ADGRF5: variants seen among roughly 807,000 people sequenced by gnomAD.
The protein encoded by ADGRF5 is adhesion G protein-coupled receptor F5, also known as G-protein coupled receptor 116.
A neutral mutation model predicts 132.3 loss-of-function variants in ADGRF5; 75 were observed. The observed-to-expected ratio is 0.57, with a 90% confidence interval of 0.47 to 0.69. The LOEUF (loss-of-function observed/expected upper bound fraction) is 0.69. Among genes scored for constraint, ADGRF5 ranks in the 30% least tolerant of loss-of-function variants. ADGRF5 has a pLI of 0.00. For missense variants in ADGRF5, 1,516 were observed against 1,630.6 expected, an observed-to-expected ratio of 0.93 and a Z score of 1.21; for synonymous variants, 629 against 597.6, an observed-to-expected ratio of 1.05 and a Z score of -0.77.
chr6:46,875,631 G>T (rs1189680214), intron 10 of ADGRF5, among the ~76,000 whole-genome samples: 1 of 152,090 alleles, frequency 6.6e-6, no homozygotes, highest in Non-Finnish European at 1.5e-5. Context: ...AGAAAAATTA[G>T]CAGGGTGTGG....
chr6:46,911,757 C>T (rs1345223380), intron 1 of ADGRF5, among the ~76,000 whole-genome samples: 1 of 152,054 alleles, frequency 6.6e-6, no homozygotes, highest in Non-Finnish European at 1.5e-5. Flanking sequence ...ACTGGAAAAA[C>T]ATTTATTAAG....
chr6:46,932,792 A>G (rs937552777), intron 1 of ADGRF5, among the ~76,000 whole-genome samples: 1 of 152,204 alleles, frequency 6.6e-6, no homozygotes, highest in Non-Finnish European at 1.5e-5. Context: ...CTCCTGTTTA[A>G]TGCCTAATAA....
chr6:46,861,215 G>A (rs563614696), intron 15 of ADGRF5, among the ~76,000 whole-genome samples: 71 of 152,264 alleles, frequency 4.7e-4, no homozygotes, highest in Non-Finnish European at 5.1e-4. Context: ...TTGGATAGTC[G>A]GTATGGAAGC....
chr6:46,935,887 AG>A (rs1777796445), intron 1 of ADGRF5, among the ~76,000 whole-genome samples: 1 of 152,176 alleles, frequency 6.6e-6, no homozygotes, highest in Non-Finnish European at 1.5e-5. Flanking sequence ...GGAAGGAAGC[AG>A]GAAGCCTTGT....
At chr6:46,861,021 T>C in intron 15 of ADGRF5, 127 bp from the exon 16 acceptor site, 1 of 669,424 alleles carries the variant, frequency 1.5e-6, no homozygotes, top group Non-Finnish European at 2.5e-6. Flanking sequence ...TCCATAAATA[T>C]GTCCCATAAG....
chr6:46,856,686 A>C (rs763506857), intron 19 of ADGRF5, 32 bp downstream of exon 19: 1 of 1,140,222 alleles, frequency 8.8e-7, no homozygotes, highest in Non-Finnish European at 1.3e-6. Flanking sequence ...TGATGTTATA[A>C]AATGAAAAGT....
At chr6:46,950,493 G>A (rs115047337) in intron 1 of ADGRF5, among the ~76,000 whole-genome samples, 229 of 152,172 alleles carry the variant, frequency 1.5e-3, no homozygotes, top group African/African-American at 5.3e-3. Flanking sequence ...CCTCTTTTAA[G>A]ACCTGGTGTT....
intron 10 of ADGRF5, among the ~76,000 whole-genome samples, chr6:46,877,931 G>A (rs1004473722): frequency 3.9e-5 from 6 of 152,130 alleles, no homozygotes; most frequent in Admixed American, 6.5e-5. Context: ...AAATGCCATC[G>A]ACCTAAGTCA....
upstream of ADGRF5, among the ~76,000 whole-genome samples, chr6:46,922,279 T>G (rs1729180637): frequency 6.6e-6 from 1 of 152,206 alleles, no homozygotes; most frequent in Non-Finnish European, 1.5e-5. Flanking sequence ...CGATGAATTC[T>G]TTGTCTTTAG....
rs1428639449 is a variant in ADGRF5, at chr6:46,852,617, T to C, written c.*1375A>G. On this transcript the variant is annotated 3_prime_UTR_variant, in exon 21 of 21. Coordinates refer to ENST00000283296, the MANE Select transcript of ADGRF5 (RefSeq NM_001098518.2). ...GTGCAATTTTCATAAATATTTATAT[T>C]TTTTAATGAAATACACACCAAAAAA... is the stretch of plus-strand genomic sequence containing the variant. 6.8e-6 allele frequency: 1 copy of C among 146,918 alleles called. No individual in the cohort carries two copies. The highest frequency in any genetic ancestry group is 2.7e-5 in the African/African-American group (1 of 36,482). The allele number at this position is 146,918 out of a possible 1,614,324, so 9.1% of individuals were successfully genotyped here. A position where few individuals can be genotyped will look rare whatever the true frequency, so the allele number is the denominator to read the frequency against.
At chr6:46,855,601 T>A (rs1344539935) in intron 20 of ADGRF5, among the ~76,000 whole-genome samples, 1 of 152,222 alleles carries the variant, frequency 6.6e-6, no homozygotes, top group African/African-American at 2.4e-5. Flanking sequence ...TGCTGCCCCA[T>A]AACCCTGAAA....
At chr6:46,920,205 C>A (rs923662056) in intron 1 of ADGRF5, among the ~76,000 whole-genome samples, 6 of 152,140 alleles carry the variant, frequency 3.9e-5, no homozygotes, top group Admixed American at 3.9e-4. Flanking sequence ...AAAGCCCAAA[C>A]CACTAATTGG....
chr6:46,859,085 T>C lies in ADGRF5; in HGVS notation c.2818A>G (p.Met940Val), dbSNP rs754272472. Reference protein sequence around the residue: ...HNTTMPFRISMTFKNNSPSGG... With the variant: ...HNTTMPFRISVTFKNNSPSGG... ...GAAGGGCTATTGTTCTTAAAAGTCATTGAAATCCTGAATGGCATAGTTGTA... is the reference window on the plus strand; with the variant it reads ...GAAGGGCTATTGTTCTTAAAAGTCACTGAAATCCTGAATGGCATAGTTGTA... The change falls in exon 17 of 21, where the codon ATG (methionine) becomes GTG (valine). Residue 940 changes from methionine (M) to valine (V), a missense_variant. Around this residue, in one of 2 missense-constraint regions of ADGRF5, gnomAD observed 571 missense variants for 701.2 expected, o/e 0.81. Coordinates refer to ENST00000283296, the MANE Select transcript of ADGRF5 (RefSeq NM_001098518.2). The C allele has an allele frequency of 4.3e-6, 7 of 1,613,946 alleles. No homozygotes were observed. The highest frequency in any genetic ancestry group is 2.7e-5 in the African/African-American group (2 of 74,922).
At chr6:46,857,526 A>G (rs576070473) in intron 17 of ADGRF5, among the ~76,000 whole-genome samples, 2 of 152,190 alleles carry the variant, frequency 1.3e-5, no homozygotes, top group African/African-American at 2.4e-5. Context: ...TACCTCTGTT[A>G]TAGTTCTTCT....
intron 10 of ADGRF5, among the ~76,000 whole-genome samples, chr6:46,877,094 A>G (rs9472892): frequency 0.35 from 53,750 of 152,090 alleles, 9,701 homozygotes; most frequent in African/African-American, 0.43. Context: ...GTTTCTAGGT[A>G]AAACACTGTT....
At chr6:46,904,779 T>A (rs1775141489) in intron 2 of ADGRF5, among the ~76,000 whole-genome samples, 1 of 152,142 alleles carries the variant, frequency 6.6e-6, no homozygotes. Flanking sequence ...TGGCAGAAGG[T>A]CAGTCATGGA....
At chr6:46,920,550 T>G (rs1776835086) in intron 1 of ADGRF5, among the ~76,000 whole-genome samples, 2 of 136,858 alleles carry the variant, frequency 1.5e-5, no homozygotes, top group Non-Finnish European at 3.1e-5. Context: ...AGAGTGTATA[T>G]TGGGGGTGCA....
rs1000894155 is a variant in ADGRF5, at chr6:46,877,299, C to T, written c.1240+903G>A. 3.0e-3 allele frequency among the ~76,000 whole-genome samples: 283 copies of T among 94,746 alleles called. 2 individuals are homozygous for T. The highest frequency in any genetic ancestry group is 3.5e-3 in the Non-Finnish European group (155 of 44,374). The allele number at this position is 94,746 out of a possible 152,430, so 62.2% of individuals were successfully genotyped here. A position where few individuals can be genotyped will look rare whatever the true frequency, so the allele number is the denominator to read the frequency against. On this transcript the variant is annotated intron_variant, in intron 10 of 20. Coordinates refer to ENST00000283296, the MANE Select transcript of ADGRF5 (RefSeq NM_001098518.2). ...TCTTTCTTTCTTTCTTTCTCTCTCT[C>T]TCTCTCTTTCCTTCCTTCCTTCCTT... is the stretch of plus-strand genomic sequence containing the variant.
At position 46,944,300 on chromosome 6, in the gene ADGRF5, C is replaced by T. The variant is rs185212320; in HGVS notation, c.-25+10434G>A. Among the ~76,000 whole-genome samples the T allele has an allele frequency of 1.1e-3, 172 of 152,290 alleles. 1 individual carries two copies. Among genetic ancestry groups the T allele is most frequent in the African/African-American group, 3.8e-3 (159 of 41,564 alleles). On this transcript the variant is annotated intron_variant, in intron 1 of 20. Transcript: ENST00000265417. ...TCAAGCTCCGGTGAGAATCGAATGC[C>T]ACCACTGATTCAAGAAGAAGTGGAG...
Sources: allele counts gnomAD v4.1 joint callset (sites outside exome capture counted in the v4.1 genomes callset), GRCh38; gene constraint gnomAD v4.1.1; regional missense constraint gnomAD v4.1.1; transcripts MANE v1.5; gene names NCBI Gene and HGNC (gene_info 2026-07-23, HGNC 2026-07-21).